Variants in STAU2 observed in about 807,000 individuals in gnomAD.
STAU2 encodes double-stranded RNA-binding protein Staufen homolog 2.
In STAU2, 20 loss-of-function variants were observed where a neutral mutation model predicts 65.9. The observed-to-expected ratio is 0.30, with a 90% confidence interval of 0.21 to 0.44. The LOEUF (loss-of-function observed/expected upper bound fraction) is 0.44, where lower values mean the gene tolerates loss of function less well. STAU2 is among the 20% of genes least tolerant of loss of function. The probability of loss-of-function intolerance (pLI) is 1.00; values close to 1 mark genes in which losing one functional copy is unlikely to be tolerated. For synonymous variants in STAU2, 232 were observed against 233.9 expected (o/e 0.99, Z 0.07); for missense variants, 558 against 683.9 (o/e 0.82, Z 2.05).
chr8:73,566,029 CA>C (rs1160165843), intron 12 of STAU2, among the ~76,000 whole-genome samples: 2 of 152,102 alleles, frequency 1.3e-5, no homozygotes, highest in Non-Finnish European at 2.9e-5. Context: ...GTAAAAACAA[CA>C]ATAGTACATT....
At chr8:73,472,525 C>T (rs151046661) in intron 13 of STAU2, among the ~76,000 whole-genome samples, 10 of 152,092 alleles carry the variant, frequency 6.6e-5, no homozygotes, top group East Asian at 1.9e-4. Flanking sequence ...AATTGATAAA[C>T]GAGGGAATAA....
chr8:73,448,534 C>T lies in STAU2; in HGVS notation c.1531-25832G>A, dbSNP rs1045205981. 6.6e-5 allele frequency among the ~76,000 whole-genome samples: 10 copies of T among 152,298 alleles called. No homozygotes were observed. In the East Asian group the frequency reaches 1.9e-3, roughly 29 times the overall value. The stretch of plus-strand genomic sequence containing the variant: ...CTGAGTTCAGGCAATCAGCCCGCCT[C>T]GGCCTCCCAAAGTGCTAGGATTACA... On this transcript the variant is annotated intron_variant, in intron 13 of 14. Coordinates refer to ENST00000524300, the MANE Select transcript of STAU2 (RefSeq NM_001164380.2).
intron 13 of STAU2, among the ~76,000 whole-genome samples, chr8:73,487,079 C>T (rs796415021): frequency 5.3e-5 from 8 of 152,132 alleles, no homozygotes; most frequent in African/African-American, 1.7e-4. Flanking sequence ...ACTCTTGAGA[C>T]GTCTGGAAGT....
intron 12 of STAU2, among the ~76,000 whole-genome samples, chr8:73,553,652 C>G (rs1807504796): frequency 6.6e-6 from 1 of 151,938 alleles, no homozygotes. Flanking sequence ...CCCAACTCTC[C>G]TCTGACTCAG....
intron 13 of STAU2, among the ~76,000 whole-genome samples, chr8:73,499,952 AT>A (rs1219960148): frequency 1.8e-4 from 27 of 151,870 alleles, no homozygotes; most frequent in Non-Finnish European, 4.0e-4. Context: ...GCTCTCACGG[AT>A]TGAGCTGAAG....
intron 13 of STAU2, among the ~76,000 whole-genome samples, chr8:73,519,483 T>C (rs1342039019): frequency 6.6e-6 from 1 of 152,078 alleles, no homozygotes; most frequent in African/African-American, 2.4e-5. Flanking sequence ...GCATAATATG[T>C]TAGAACAATG....
chr8:73,605,457 C>T (rs188677760), intron 9 of STAU2, among the ~76,000 whole-genome samples: 162 of 151,822 alleles, frequency 1.1e-3, no homozygotes, highest in African/African-American at 3.7e-3. Flanking sequence ...TACAGGCGCA[C>T]GCCACCATGC....
intron 13 of STAU2, among the ~76,000 whole-genome samples, chr8:73,502,574 T>C (rs1272907181): frequency 6.6e-6 from 1 of 152,082 alleles, no homozygotes; most frequent in Non-Finnish European, 1.5e-5. Flanking sequence ...CTCTAGCTAG[T>C]AAAAGGCCCG....
At chr8:73,582,882 A>AG (rs753159291) in intron 11 of STAU2, 52 bp from the exon 12 acceptor site, 13 of 1,554,850 alleles carry the variant, frequency 8.4e-6, no homozygotes, top group Non-Finnish European at 1.0e-5. Flanking sequence ...TTATTCAAAA[A>AG]GAAAAAAAAA....
rs1033787163 is a variant in STAU2, at chr8:73,422,497, A to G, written c.1619+117T>C. On this transcript the variant is annotated intron_variant, in intron 14 of 14. Transcript: ENST00000524300. ...TTTCTTTACATTTAATTGTATTATT[A>G]ATAATTGTGTAAGATGTAGATACTA... 5.6e-5 allele frequency: 39 copies of G among 694,742 alleles called. No homozygotes were observed. The African/African-American group carries it at 6.1e-4, about 11-fold the overall frequency. The allele number at this position is 694,742 out of a possible 1,614,324, so 43.0% of individuals were successfully genotyped here.
At chr8:73,618,199 G>A (rs960740135) in intron 6 of STAU2, among the ~76,000 whole-genome samples, 1 of 152,132 alleles carries the variant, frequency 6.6e-6, no homozygotes, top group Non-Finnish European at 1.5e-5. Context: ...CTTAGAGTGG[G>A]GAAGATAAAC....
chr8:73,523,319 A>G (rs1823160740), intron 13 of STAU2, among the ~76,000 whole-genome samples: 1 of 152,076 alleles, frequency 6.6e-6, no homozygotes, highest in African/African-American at 2.4e-5. Context: ...GAGCCAACAC[A>G]CCAAGAGAGC....
rs908182644 is a variant in STAU2 at position 73,742,271 on chromosome 8, G to A, written c.-196-2403C>T. The A allele has an allele frequency of 2.0e-5, 20 of 983,498 alleles. No individual in the cohort carries two copies. The Admixed American group carries it at 6.2e-4, about 30-fold the overall frequency. The allele number at this position is 983,498 out of a possible 1,614,324, so 60.9% of individuals were successfully genotyped here. On this transcript the variant is annotated intron_variant, in intron 1 of 14. Transcript: ENST00000524300. The stretch of plus-strand genomic sequence containing the variant: ...TCCTCAGCTGGGTGTGGTGGCTCAC[G>A]CCTGTAATCCCAGCACTTTTGGAGT...
intron 11 of STAU2, among the ~76,000 whole-genome samples, chr8:73,591,106 C>G (rs1810740376): frequency 6.6e-6 from 1 of 151,874 alleles, no homozygotes; most frequent in Admixed American, 6.5e-5. Flanking sequence ...TGAAAATAAT[C>G]AAAATGAGAG....
chr8:73,540,488 T>C (rs1806471467), intron 13 of STAU2, among the ~76,000 whole-genome samples: 1 of 152,218 alleles, frequency 6.6e-6, no homozygotes, highest in Admixed American at 6.5e-5. Context: ...GTTCAATCCA[T>C]TGTGTTTTTA....
At chr8:73,442,836 A>T (rs969750390) in intron 13 of STAU2, among the ~76,000 whole-genome samples, 4 of 152,354 alleles carry the variant, frequency 2.6e-5, no homozygotes, top group South Asian at 2.1e-4. Flanking sequence ...AGAATTTTTT[A>T]AAATTTTTGC....
intron 12 of STAU2, chr8:73,561,623 C>T (rs2128949640): frequency 2.3e-6 from 1 of 441,288 alleles, no homozygotes; most frequent in Non-Finnish European, 4.5e-6. Flanking sequence ...GGAAGAAACA[C>T]ATACTGAAAT....
intron 13 of STAU2, among the ~76,000 whole-genome samples, chr8:73,494,065 T>C (rs1482533421): frequency 2.0e-5 from 3 of 151,788 alleles, no homozygotes; most frequent in Non-Finnish European, 4.4e-5. Flanking sequence ...AAGGAACTTA[T>C]TGTGATGATA....
intron 5 of STAU2, among the ~76,000 whole-genome samples, chr8:73,683,902 G>A (rs1211236926): frequency 6.6e-6 from 1 of 152,098 alleles, no homozygotes; most frequent in African/African-American, 2.4e-5. Flanking sequence ...ACCTAATGAA[G>A]AAGGTGGAAA....
Sources: allele counts gnomAD v4.1 joint callset (sites outside exome capture counted in the v4.1 genomes callset), GRCh38; gene constraint gnomAD v4.1.1; transcripts MANE v1.5; gene names NCBI Gene and HGNC (gene_info 2026-07-23, HGNC 2026-07-21).